The following PBX1 variants were observed in gnomAD, a reference collection of about 807,000 sequenced individuals.
PBX1 encodes the protein PBX homeobox 1, also known as pre-B-cell leukemia transcription factor 1.
Under a neutral mutation model 53.4 loss-of-function variants are expected in PBX1, and 6 were observed. The observed-to-expected ratio is 0.11, with a 90% CI of 0.06 to 0.22. The LOEUF (loss-of-function observed/expected upper bound fraction) is 0.22. Among genes scored for constraint, PBX1 ranks in the 10% least tolerant of loss-of-function variants. PBX1 has a pLI of 1.00. For synonymous variants in PBX1, 204 were observed against 212.3 expected (o/e 0.96, Z 0.34); for missense variants, 251 against 551.4 (o/e 0.46, Z 5.46).
intron 2 of PBX1, among the ~76,000 whole-genome samples, chr1:164,692,911 G>A (rs780224619): frequency 9.9e-5 from 15 of 152,182 alleles, no homozygotes; most frequent in Non-Finnish European, 1.8e-4. Flanking sequence ...TAAGATCATA[G>A]AGTTAGTAAG....
chr1:164,568,709 C>T (rs904058896), intron 2 of PBX1, among the ~76,000 whole-genome samples: 3 of 152,136 alleles, frequency 2.0e-5, no homozygotes, highest in African/African-American at 7.2e-5. Context: ...AAAAAATGTA[C>T]GTCTACTGGT....
intron 2 of PBX1, among the ~76,000 whole-genome samples, chr1:164,611,154 T>C (rs886155194): frequency 6.6e-6 from 1 of 152,206 alleles, no homozygotes; most frequent in African/African-American, 2.4e-5. Flanking sequence ...AGGATTTCTT[T>C]CTTGCCTTAG....
intron 2 of PBX1, among the ~76,000 whole-genome samples, chr1:164,603,927 TC>T (rs1369134420): frequency 8.4e-6 from 1 of 119,016 alleles, no homozygotes; most frequent in Non-Finnish European, 1.7e-5. Flanking sequence ...TTATGTCATT[TC>T]ATTTTTTTTT....
chr1:164,870,350 T>TTTCTTTC (rs2102453638), intron 2 of PBX1, among the ~76,000 whole-genome samples: 1 of 100,910 alleles, frequency 9.9e-6, no homozygotes, highest in South Asian at 3.5e-4. Flanking sequence ...TCTTTCTTTC[T>TTTCTTTC]TTCTTTCTTT....
intron 3 of PBX1, among the ~76,000 whole-genome samples, chr1:164,793,590 A>T (rs1053822995): frequency 1.3e-5 from 2 of 152,122 alleles, no homozygotes; most frequent in Non-Finnish European, 2.9e-5. Context: ...CTAATAGAGA[A>T]CCCCCATCCC....
chr1:164,856,107 T>C (rs1361301), downstream of PBX1, among the ~76,000 whole-genome samples: 3,267 of 152,276 alleles, frequency 0.021, 134 homozygotes, highest in African/African-American at 0.073. Flanking sequence ...GCTTTTCCTT[T>C]GTCTCAATTG....
At chr1:164,870,657 G>C (rs1672361528) in intron 2 of PBX1, among the ~76,000 whole-genome samples, 1 of 152,062 alleles carries the variant, frequency 6.6e-6, no homozygotes, top group Non-Finnish European at 1.5e-5. Flanking sequence ...ACTGACTTTA[G>C]TTTCATCACC....
At chr1:164,702,018 T>G (rs977330) in intron 2 of PBX1, among the ~76,000 whole-genome samples, 34,592 of 151,764 alleles carry the variant, frequency 0.23, 4,146 homozygotes, top group East Asian at 0.45. Context: ...CAGACATATG[T>G]TTTTCCAGTG....
At chr1:164,800,372 T>C (rs1252836142) in intron 4 of PBX1, among the ~76,000 whole-genome samples, 1 of 152,112 alleles carries the variant, frequency 6.6e-6, no homozygotes, top group Non-Finnish European at 1.5e-5. Context: ...ATTTTAGGAG[T>C]GCAGAGCTGA....
intron 2 of PBX1, among the ~76,000 whole-genome samples, chr1:164,595,124 A>G (rs1042847890): frequency 1.3e-5 from 2 of 152,182 alleles, no homozygotes; most frequent in African/African-American, 4.8e-5. Flanking sequence ...CTAGAGTTAT[A>G]TTGTATTCTT....
chr1:164,628,376 CCGAA>C (rs1029877027), intron 2 of PBX1, among the ~76,000 whole-genome samples: 7 of 152,150 alleles, frequency 4.6e-5, no homozygotes, highest in Non-Finnish European at 1.0e-4. Context: ...TTCTCCGAGT[CCGAA>C]CAGTCACCTT....
At chr1:164,668,485 A>G (rs1025508029) in intron 2 of PBX1, among the ~76,000 whole-genome samples, 2 of 152,084 alleles carry the variant, frequency 1.3e-5, no homozygotes, top group Non-Finnish European at 2.9e-5. Context: ...GAGAAATACA[A>G]GGTCTCCCAG....
intron 2 of PBX1, among the ~76,000 whole-genome samples, chr1:164,705,061 T>A (rs1663346294): frequency 6.6e-6 from 1 of 152,318 alleles, no homozygotes; most frequent in Admixed American, 6.5e-5. Context: ...ACCTCAGCAC[T>A]ATTGACTTTT....
chr1:164,867,876 C>T (rs766550376), intron 2 of PBX1, among the ~76,000 whole-genome samples: 2 of 152,252 alleles, frequency 1.3e-5, no homozygotes, highest in Admixed American at 6.5e-5. Flanking sequence ...CTGGCTCTCA[C>T]AGGAGACCCA....
rs183952884 is a variant in PBX1, at chr1:164,698,745, C to T, written c.266-93749C>T. On this transcript the variant is annotated intron_variant, in intron 2 of 8. Transcript: ENST00000420696. ...TGTTTATCTGGCTTCCTAGCCTGTGCCAGACTATATACATGATAATCTCTA... is the reference window on the plus strand; with the variant it reads ...TGTTTATCTGGCTTCCTAGCCTGTGTCAGACTATATACATGATAATCTCTA... Among the ~76,000 whole-genome samples the T allele has an allele frequency of 3.9e-3, 592 of 152,284 alleles. 5 individuals are homozygous for T. Among genetic ancestry groups the T allele is most frequent in the African/African-American group, 0.014 (575 of 41,552 alleles).
chr1:164,829,347 T>A (rs1162061139), intron 8 of PBX1: 1 of 152,230 alleles, frequency 6.6e-6, no homozygotes, highest in Middle Eastern at 3.2e-3. Context: ...ACATAGATTT[T>A]GTGAGTGACT....
intron 2 of PBX1, among the ~76,000 whole-genome samples, chr1:164,692,805 C>T (rs981830062): frequency 9.2e-5 from 14 of 152,156 alleles, no homozygotes. Context: ...GGAGCATTAG[C>T]TTACCCAGTC....
At chr1:164,617,549 A>G (rs1181179767) in intron 2 of PBX1, among the ~76,000 whole-genome samples, 1 of 152,228 alleles carries the variant, frequency 6.6e-6, no homozygotes, top group African/African-American at 2.4e-5. Flanking sequence ...GGGAGTTAAA[A>G]GAGCTTTCTG....
At chr1:164,855,584 A>C, downstream of PBX1, among the ~76,000 whole-genome samples, 1 of 152,218 alleles carries the variant, frequency 6.6e-6, no homozygotes, top group East Asian at 1.9e-4. Flanking sequence ...CAGCACAATT[A>C]CATTTCCAGA....
Sources: allele counts gnomAD v4.1 joint callset (sites outside exome capture counted in the v4.1 genomes callset), GRCh38; gene constraint gnomAD v4.1.1; transcripts MANE v1.5; gene names NCBI Gene and HGNC (gene_info 2026-07-23, HGNC 2026-07-21).